NELL2: variants seen among roughly 807,000 people sequenced by gnomAD.
The protein encoded by NELL2 is protein kinase C-binding protein NELL2.
A neutral mutation model predicts 109.6 loss-of-function variants in NELL2; 41 were observed. The observed-to-expected ratio is 0.37, with a 90% CI of 0.29 to 0.49. NELL2 has a LOEUF of 0.49. Ranked by LOEUF, NELL2 falls within the 20% of genes least tolerant of loss-of-function variation. NELL2 has a pLI of 0.98. For synonymous variants in NELL2, 355 were observed against 344.7 expected (o/e 1.03, Z -0.33); for missense variants, 900 against 1,008.3 (o/e 0.89, Z 1.45).
In NELL2 at chr12:44,875,885, A is replaced by T; in HGVS notation, c.-16T>A. The T allele has an allele frequency of 6.2e-7, 1 of 1,614,002 alleles. No homozygotes were observed. Among genetic ancestry groups the T allele is most frequent in the Non-Finnish European group, 8.5e-7 (1 of 1,180,032 alleles). On this transcript the variant is annotated 5_prime_UTR_variant, in exon 1 of 20. The change abolishes the stop of an existing upstream ORF in the 5' untranslated region. Coordinates refer to ENST00000429094, the MANE Select transcript of NELL2 (RefSeq NM_001145108.2). ...GAGACTCCATGGTGCGGATCAGCTCAGTCCATCGTCTCCCTCTTTAAAAAT... is the reference window on the plus strand; with the variant it reads ...GAGACTCCATGGTGCGGATCAGCTCTGTCCATCGTCTCCCTCTTTAAAAAT...
chr12:44,917,954 TTGGTTTACAGC>T, upstream of NELL2, among the ~76,000 whole-genome samples: 1 of 152,236 alleles, frequency 6.6e-6, no homozygotes, highest in African/African-American at 2.4e-5. Flanking sequence ...AACTGGTAAT[TTGGTTTACAGC>T]AGTAAAAAAC....
chr12:44,541,661 A>C (rs919288861), intron 15 of NELL2, among the ~76,000 whole-genome samples: 11 of 152,196 alleles, frequency 7.2e-5, no homozygotes, highest in Non-Finnish European at 1.6e-4. Context: ...AATAATAATA[A>C]GTCCAGAACT....
At chr12:44,525,569 A>C (rs1941727128) in intron 16 of NELL2, among the ~76,000 whole-genome samples, 1 of 152,328 alleles carries the variant, frequency 6.6e-6, no homozygotes, top group East Asian at 1.9e-4. Flanking sequence ...CCATTTTTAC[A>C]CATAGTTTGG....
At chr12:44,714,607 T>C (rs759169991) in intron 10 of NELL2, 43 bp downstream of exon 10, 1 of 1,270,754 alleles carries the variant, frequency 7.9e-7, no homozygotes, top group South Asian at 1.4e-5. Flanking sequence ...ATCTTGTTTA[T>C]AAATAGAAAC....
At chr12:44,561,274 A>ATCT (rs1943458508) in intron 15 of NELL2, among the ~76,000 whole-genome samples, 1 of 152,210 alleles carries the variant, frequency 6.6e-6, no homozygotes, top group Admixed American at 6.5e-5. Context: ...AGCACAAGAC[A>ATCT]AGAATGCCCT....
At chr12:44,589,261 A>G (rs971679090) in intron 15 of NELL2, among the ~76,000 whole-genome samples, 10 of 144,750 alleles carry the variant, frequency 6.9e-5, no homozygotes, top group African/African-American at 1.4e-4. Flanking sequence ...CAGTCAGTCC[A>G]GTGGAAAAAA....
intron 2 of NELL2, among the ~76,000 whole-genome samples, chr12:44,826,856 C>T (rs576472323): frequency 3.3e-5 from 5 of 152,318 alleles, no homozygotes; most frequent in African/African-American, 9.6e-5. Context: ...CAGTGATGCA[C>T]ACTCCAGGGG....
intron 9 of NELL2, among the ~76,000 whole-genome samples, chr12:44,727,018 T>C (rs1316355701): frequency 2.0e-5 from 3 of 152,124 alleles, no homozygotes; most frequent in African/African-American, 7.2e-5. Flanking sequence ...GGAGATCTTA[T>C]TTAAATGTGT....
At chr12:44,617,337 C>G (rs1945855930) in intron 13 of NELL2, among the ~76,000 whole-genome samples, 2 of 152,038 alleles carry the variant, frequency 1.3e-5, no homozygotes, top group Admixed American at 6.5e-5. Context: ...TTCTCTGGAC[C>G]TGAGAAGGTT....
At chr12:44,747,250 G>A (rs1940419521) in intron 9 of NELL2, among the ~76,000 whole-genome samples, 1 of 151,740 alleles carries the variant, frequency 6.6e-6, no homozygotes, top group Admixed American at 6.6e-5. Flanking sequence ...ATTGAACAAT[G>A]AGAACACATG....
chr12:44,774,636 A>G, intron 9 of NELL2, 111 bp downstream of exon 9: 1 of 821,734 alleles, frequency 1.2e-6, no homozygotes, highest in Admixed American at 2.3e-5. Flanking sequence ...TTATTCCATC[A>G]CTTCTGAAAG....
intron 3 of NELL2, among the ~76,000 whole-genome samples, chr12:44,810,714 T>G (rs1943145669): frequency 6.6e-6 from 1 of 152,066 alleles, no homozygotes; most frequent in South Asian, 2.1e-4. Context: ...ATTTTCTTCT[T>G]TATACATATT....
At chr12:44,846,289 T>C (rs1039737224) in intron 2 of NELL2, among the ~76,000 whole-genome samples, 2 of 152,222 alleles carry the variant, frequency 1.3e-5, no homozygotes, top group African/African-American at 4.8e-5. Flanking sequence ...ATGATGCACT[T>C]ACAATAAGGA....
At chr12:44,797,031 T>C (rs1374811443) in intron 3 of NELL2, among the ~76,000 whole-genome samples, 1 of 152,064 alleles carries the variant, frequency 6.6e-6, no homozygotes, top group Non-Finnish European at 1.5e-5. Context: ...AACATCGATT[T>C]TCAAAAGGTC....
chr12:44,566,500 T>C (rs1235623867), intron 15 of NELL2, among the ~76,000 whole-genome samples: 3 of 150,400 alleles, frequency 2.0e-5, no homozygotes, highest in African/African-American at 7.3e-5. Context: ...ATATGTGCTT[T>C]TTTGCATCTA....
chr12:44,733,671 G>A (rs1180960476), intron 9 of NELL2, among the ~76,000 whole-genome samples: 2 of 151,730 alleles, frequency 1.3e-5, no homozygotes, highest in East Asian at 3.9e-4. Context: ...ATACTGTATT[G>A]TACACTTATA....
At chr12:44,725,801 A>G (rs1480633696) in intron 9 of NELL2, among the ~76,000 whole-genome samples, 1 of 152,200 alleles carries the variant, frequency 6.6e-6, no homozygotes, top group Admixed American at 6.5e-5. Context: ...CTAAACGATA[A>G]GAACTTATGA....
intron 2 of NELL2, among the ~76,000 whole-genome samples, chr12:44,848,737 T>C (rs78766032): frequency 0.01 from 1,531 of 152,246 alleles, 21 homozygotes; most frequent in African/African-American, 0.035. Flanking sequence ...GACTGATCAC[T>C]ACTTCACATC....
At chr12:44,571,367 A>C (rs766553245) in intron 15 of NELL2, among the ~76,000 whole-genome samples, 1 of 152,216 alleles carries the variant, frequency 6.6e-6, no homozygotes, top group Non-Finnish European at 1.5e-5. Context: ...ATTAGCCTGC[A>C]CTAATATACT....
Sources: allele counts gnomAD v4.1 joint callset (sites outside exome capture counted in the v4.1 genomes callset), GRCh38; gene constraint gnomAD v4.1.1; transcripts MANE v1.5; gene names NCBI Gene and HGNC (gene_info 2026-07-23, HGNC 2026-07-21).